RNF180: variants seen among roughly 807,000 people sequenced by gnomAD.
RNF180 encodes ring finger protein 180.
RNF180 carries 38 observed loss-of-function variants against 59.2 expected under a neutral mutation model. That is an observed-to-expected ratio of 0.64 (90% confidence interval 0.50 to 0.84). The LOEUF (loss-of-function observed/expected upper bound fraction) is 0.84. Ranked by LOEUF, RNF180 falls within the 40% of genes least tolerant of loss-of-function variation. The probability of loss-of-function intolerance (pLI) is 0.00; values close to 1 mark genes in which losing one functional copy is unlikely to be tolerated. For missense variants in RNF180, 705 were observed against 700.9 expected, an observed-to-expected ratio of 1.01 and a Z score of -0.07; for synonymous variants, 262 against 240.3, an observed-to-expected ratio of 1.09 and a Z score of -0.84.
At chr5:64,276,373 T>TGGTG (rs1419336306) in intron 5 of RNF180, among the ~76,000 whole-genome samples, 1 of 89,654 alleles carries the variant, frequency 1.1e-5, no homozygotes, top group Non-Finnish European at 2.2e-5. Flanking sequence ...AAAACCACAT[T>TGGTG]GGTGTGTGTG....
At chr5:64,267,948 C>T (rs937655603) in intron 5 of RNF180, among the ~76,000 whole-genome samples, 4 of 152,042 alleles carry the variant, frequency 2.6e-5, no homozygotes, top group Non-Finnish European at 5.9e-5. Flanking sequence ...GGATATGATA[C>T]AATTTAAATA....
At chr5:64,172,763 T>C (rs966630013) in intron 1 of RNF180, among the ~76,000 whole-genome samples, 6 of 152,092 alleles carry the variant, frequency 3.9e-5, no homozygotes, top group Non-Finnish European at 5.9e-5. Context: ...TACTGGAGGG[T>C]GTGCTCAAGT....
intron 5 of RNF180, among the ~76,000 whole-genome samples, chr5:64,302,690 C>G (rs1053305822): frequency 2.0e-5 from 3 of 151,532 alleles, no homozygotes; most frequent in Non-Finnish European, 4.4e-5. Context: ...GATGACATGT[C>G]CATCTTTCTT....
chr5:64,260,347 A>G (rs1185049400), intron 5 of RNF180, among the ~76,000 whole-genome samples: 2 of 152,164 alleles, frequency 1.3e-5, no homozygotes, highest in African/African-American at 2.4e-5. Flanking sequence ...AATTTTAAAA[A>G]TTGCTTCCAG....
chr5:64,234,873 A>C (rs1386527776), intron 5 of RNF180, among the ~76,000 whole-genome samples: 1 of 152,060 alleles, frequency 6.6e-6, no homozygotes, highest in Admixed American at 6.5e-5. Context: ...CGCTGGGATT[A>C]CAGGCGTGAG....
At chr5:64,199,579 A>T (rs1561183687) in intron 1 of RNF180, among the ~76,000 whole-genome samples, 1 of 152,186 alleles carries the variant, frequency 6.6e-6, no homozygotes, top group Non-Finnish European at 1.5e-5. Context: ...AGACAGAAAG[A>T]AAGTTTTACT....
chr5:64,240,784 A>G (rs1580087419), intron 5 of RNF180, among the ~76,000 whole-genome samples: 1 of 152,294 alleles, frequency 6.6e-6, no homozygotes, highest in South Asian at 2.1e-4. Flanking sequence ...TACCTCATTC[A>G]CATCTCTACT....
intron 5 of RNF180, among the ~76,000 whole-genome samples, chr5:64,250,504 CAACA>C (rs1160694770): frequency 1.3e-5 from 2 of 151,572 alleles, no homozygotes; most frequent in Non-Finnish European, 1.5e-5. Context: ...AAGAGAAAAT[CAACA>C]AACCATTAGC....
At chr5:64,268,309 T>C (rs1367416106) in intron 5 of RNF180, among the ~76,000 whole-genome samples, 1 of 152,174 alleles carries the variant, frequency 6.6e-6, no homozygotes, top group Non-Finnish European at 1.5e-5. Flanking sequence ...CAATTTAGAG[T>C]GTATTCTCTT....
intron 5 of RNF180, among the ~76,000 whole-genome samples, chr5:64,293,270 T>C (rs1256491528): frequency 6.6e-6 from 1 of 152,212 alleles, no homozygotes; most frequent in African/African-American, 2.4e-5. Flanking sequence ...TGTCCCACTC[T>C]GCTTTTCTTC....
chr5:64,361,921 T>C (rs1198654703), intron 7 of RNF180, among the ~76,000 whole-genome samples: 1 of 151,232 alleles, frequency 6.6e-6, no homozygotes, highest in African/African-American at 2.4e-5. Context: ...TGGTATTTGG[T>C]GGACAAAAAA....
chr5:64,370,676 A>G lies in RNF180; in HGVS notation c.*862A>G, dbSNP rs1445064422. ...TTATAAATAGGCTTATCGATTTTAG[A>G]AAGAAAACCTGACATTTTTAATTAC... On this transcript the variant is annotated 3_prime_UTR_variant, in exon 8 of 8. Transcript: ENST00000389100. 6.6e-6 allele frequency: 1 copy of G among 151,644 alleles called. No homozygotes were observed. The highest frequency in any genetic ancestry group is 1.5e-5 in the Non-Finnish European group (1 of 67,730). The allele number at this position is 151,644 out of a possible 1,614,324, so 9.4% of individuals were successfully genotyped here.
chr5:64,235,693 C>A (rs919871631), intron 5 of RNF180, among the ~76,000 whole-genome samples: 1 of 152,090 alleles, frequency 6.6e-6, no homozygotes, highest in Non-Finnish European at 1.5e-5. Context: ...GAGGGGATTA[C>A]AGGGTGGGAC....
At chr5:64,238,327 C>G (rs1385325667) in intron 5 of RNF180, among the ~76,000 whole-genome samples, 6 of 152,136 alleles carry the variant, frequency 3.9e-5, no homozygotes, top group Non-Finnish European at 7.4e-5. Flanking sequence ...TATTTGAGAT[C>G]CTGATTTTAA....
At chr5:64,231,686 C>G (rs544756394) in intron 5 of RNF180, among the ~76,000 whole-genome samples, 7 of 152,220 alleles carry the variant, frequency 4.6e-5, no homozygotes, top group Non-Finnish European at 8.8e-5. Flanking sequence ...TCTTCTTACT[C>G]AGAAGCTAAT....
At chr5:64,352,907 C>G (rs1481542038) in intron 7 of RNF180, among the ~76,000 whole-genome samples, 1 of 151,876 alleles carries the variant, frequency 6.6e-6, no homozygotes. Flanking sequence ...GAATTAAACT[C>G]AAAGCTACGG....
At chr5:64,337,005 T>G (rs1191267909) in intron 7 of RNF180, among the ~76,000 whole-genome samples, 1 of 146,200 alleles carries the variant, frequency 6.8e-6, no homozygotes, top group African/African-American at 2.5e-5. Context: ...TTTGTTGTTG[T>G]TTTTTTTTTG....
chr5:64,237,704 G>C (rs373929250), intron 5 of RNF180, among the ~76,000 whole-genome samples: 2 of 152,146 alleles, frequency 1.3e-5, no homozygotes, highest in East Asian at 3.9e-4. Flanking sequence ...TTGAGGAAGA[G>C]ATTGGGTGGG....
chr5:64,204,300 T>G (rs1023118185), intron 2 of RNF180, among the ~76,000 whole-genome samples: 1 of 152,214 alleles, frequency 6.6e-6, no homozygotes, highest in Non-Finnish European at 1.5e-5. Context: ...AACTTTCTTA[T>G]GCATATCTTT....
Sources: gnomAD v4.1 joint callset for allele counts (sites outside exome capture counted in the v4.1 genomes callset) on GRCh38, gnomAD v4.1.1 for gene constraint, MANE v1.5 for transcripts, NCBI Gene and HGNC (gene_info 2026-07-23, HGNC 2026-07-21) for gene names.